MAP3K9: variants seen among roughly 807,000 people sequenced by gnomAD.
MAP3K9 encodes the protein mixed lineage kinase 1 (tyr and ser/thr specificity).
A neutral mutation model predicts 95.8 loss-of-function variants in MAP3K9; 46 were observed. That is an observed-to-expected ratio of 0.48 (90% confidence interval 0.38 to 0.61). MAP3K9 has a LOEUF of 0.61. MAP3K9 is among the 20% of genes least tolerant of loss of function. MAP3K9 has a pLI of 0.00. For missense variants in MAP3K9, 1,296 were observed against 1,474.3 expected (o/e 0.88, Z 1.98); for synonymous variants, 533 against 593.8 (o/e 0.90, Z 1.49).
intron 2 of MAP3K9, among the ~76,000 whole-genome samples, chr14:70,764,786 T>C (rs10873241): frequency 0.89 from 135,704 of 152,142 alleles, 60,590 homozygotes; most frequent in Middle Eastern, 0.94. Flanking sequence ...GAGCTGTGAT[T>C]GTACCACTGT....
Position 70,749,996 on chromosome 14 carries a change from T to C in MAP3K9, c.1087A>G (p.Met363Val), listed in dbSNP as rs141503439. The C allele has an allele frequency of 4.3e-4, 686 of 1,614,084 alleles. 4 individuals are homozygous for C. Among genetic ancestry groups the C allele is most frequent in the Non-Finnish European group, 8.1e-5 (96 of 1,180,036 alleles). The change falls in exon 4 of 12, where the codon ATG (methionine) becomes GTG (valine). Residue 363 changes from methionine to valine, a missense_variant. Transcript: ENST00000554752. ...DGLAVAYGVA[M>V]NKLALPIPST... is the part of the protein sequence containing the mutation. ...GGAATAGGAAGGGCGAGTTTGTTCA[T>C]GGCCACTCCATAAGCGACTGCTAAG...
intron 2 of MAP3K9, chr14:70,783,140 T>A: frequency 2.9e-6 from 1 of 348,074 alleles, no homozygotes; most frequent in Non-Finnish European, 4.0e-6. Flanking sequence ...AAATCAAGCA[T>A]CAAAATGCTT....
At position 70,749,044 on chromosome 14, in the gene MAP3K9, C is replaced by T. The variant is rs772209835; in HGVS notation, c.1151-40G>A. 8.2e-6 allele frequency: 13 copies of T among 1,579,892 alleles called. No individual in the cohort carries two copies. In the Admixed American group the frequency reaches 2.3e-4, roughly 28 times the overall value. On this transcript the variant is annotated intron_variant, in intron 4 of 11. Transcript: ENST00000554752. ...TGAATACTCAGAAAGCATGAATGGA[C>T]AGAAGCAAACATGTAAGACTTAGGC...
rs1178826117 is a variant in MAP3K9, at chr14:70,730,222, A to C, written c.*158T>G. On this transcript the variant is annotated 3_prime_UTR_variant, in exon 12 of 12. Coordinates refer to ENST00000554752, the MANE Select transcript of MAP3K9 (RefSeq NM_001284230.2). Reference sequence around the variant, plus strand: ...GCCCTGCAGGGCAGGAGACCCTCTGAAGTGGCCCTGTTTCCATCCCTTCCA... The same window carrying C: ...GCCCTGCAGGGCAGGAGACCCTCTGCAGTGGCCCTGTTTCCATCCCTTCCA... 2 of 1,084,152 alleles carry C rather than the reference A, an allele frequency of 1.8e-6. No homozygotes were observed. The highest frequency in any genetic ancestry group is 2.6e-6 in the Non-Finnish European group (2 of 772,536). 67.2% of individuals were successfully genotyped at this position (1,084,152 alleles called of 1,614,324 possible). A position where few individuals can be genotyped will look rare whatever the true frequency, so the allele number is the denominator to read the frequency against.
chr14:70,800,741 A>G lies in MAP3K9; in HGVS notation c.746T>C (p.Ile249Thr), dbSNP rs1259641477. The G allele has an allele frequency of 1.1e-5, 17 of 1,613,968 alleles. No homozygotes were observed. The highest frequency in any genetic ancestry group is 1.4e-5 in the Non-Finnish European group (17 of 1,180,016). ...PDILVNWAVQ[I>T]ARGMNYLHDE... The stretch of plus-strand genomic sequence containing the variant: ...ATGTAAGTAGTTCATCCCTCTGGCA[A>G]TCTGCACAGCCCAATTCACCAGGAT... Residue 249 changes from isoleucine to threonine, a missense_variant, in exon 2 of 12, where the codon ATT becomes ACT. Ile to Thr is a moderately conservative substitution (Grantham distance 89). Around this residue, in one of 5 missense-constraint regions of MAP3K9, gnomAD observed 338 missense variants for 363.4 expected, o/e 0.93. Transcript: ENST00000554752.
chr14:70,775,051 A>T (rs926090112), intron 2 of MAP3K9, among the ~76,000 whole-genome samples: 1 of 151,148 alleles, frequency 6.6e-6, no homozygotes, highest in African/African-American at 2.4e-5. Flanking sequence ...TAACTATATT[A>T]TAATAAAACA....
Position 70,730,638 on chromosome 14 carries a change from G to A in MAP3K9, c.3057C>T (p.Ser1019=). The A allele has an allele frequency of 1.9e-6, 3 of 1,613,920 alleles. No individual in the cohort carries two copies. Among genetic ancestry groups the A allele is most frequent in the Non-Finnish European group, 2.5e-6 (3 of 1,180,048 alleles). Reference sequence around the variant, plus strand: ...TCTCTGTGCTGGAGCTGTTGGCTGGGGAGGTGCTGCGGGCATGGCTGGGGG... The same window carrying A: ...TCTCTGTGCTGGAGCTGTTGGCTGGAGAGGTGCTGCGGGCATGGCTGGGGG... The part of the protein sequence containing the change: ...FVSPSHARST[S]PANSSSTETP... Residue 1019 remains serine (S), a synonymous_variant, in exon 12 of 12, where the codon TCC becomes TCT. Coordinates refer to ENST00000554752, the MANE Select transcript of MAP3K9 (RefSeq NM_001284230.2).
intron 2 of MAP3K9, among the ~76,000 whole-genome samples, chr14:70,773,865 T>C (rs1276793864): frequency 6.6e-6 from 1 of 152,242 alleles, no homozygotes; most frequent in Non-Finnish European, 1.5e-5. Context: ...GAGACACTTA[T>C]TTCAGCTAGT....
Position 70,800,979 on chromosome 14 carries a change from C to T in MAP3K9, c.508G>A (p.Val170Met). The T allele has an allele frequency of 6.2e-7, 1 of 1,614,208 alleles. No individual in the cohort carries two copies. Among genetic ancestry groups the T allele is most frequent in the Non-Finnish European group, 8.5e-7 (1 of 1,180,046 alleles). Residue 170 changes from valine (V) to methionine (M), a missense_variant, in exon 2 of 12, where the codon GTG becomes ATG. Around this residue, in one of 5 missense-constraint regions of MAP3K9, gnomAD observed 338 missense variants for 363.4 expected, o/e 0.93. Transcript: ENST00000554752. ...RAFWIGDEVA[V>M]KAARHDPDED... is the part of the protein sequence containing the mutation. Reference sequence around the variant, plus strand: ...TCAGGGTCGTGGCGAGCTGCTTTCACAGCAACCTCATCCCCTATCCAGAAA... The same window carrying T: ...TCAGGGTCGTGGCGAGCTGCTTTCATAGCAACCTCATCCCCTATCCAGAAA...
rs113606297 is a variant in MAP3K9 at position 70,732,092 on chromosome 14, T to C, written c.2830+447A>G. Among the ~76,000 whole-genome samples, 621 of 152,284 alleles carry C rather than the reference T, an allele frequency of 4.1e-3. 2 individuals carry two copies. Among genetic ancestry groups the C allele is most frequent in the Middle Eastern group, 6.8e-3 (2 of 294 alleles). The stretch of plus-strand genomic sequence containing the variant: ...GCCTGCCTTCTGAGTGTGTGTGAAC[T>C]AATGCTATAATGAGAGGCAAAATCC... On this transcript the variant is annotated intron_variant, in intron 11 of 11. Transcript: ENST00000554752.
chr14:70,735,998 A>G lies in MAP3K9; in HGVS notation c.1876T>C (p.Leu626=). 1 of 1,613,676 alleles carries G rather than the reference A, an allele frequency of 6.2e-7. No homozygotes were observed. Among genetic ancestry groups the G allele is most frequent in the Non-Finnish European group, 8.5e-7 (1 of 1,179,660 alleles). The change falls in exon 9 of 12, where the codon TTA becomes CTA. Residue 626 remains leucine, a synonymous_variant. Transcript: ENST00000554752. ...TGTGGAGATTCTGATGGGGTACTTA[A>G]ACCATTAGCTTTCTCACGTCTCTGA... ...SPQRREKANG[L]STPSESPHFH... is the part of the protein sequence containing the mutation.
chr14:70,809,389 G>T lies in MAP3K9; in HGVS notation c.-218C>A. 1 of 492,980 alleles carries T rather than the reference G, an allele frequency of 2.0e-6. No homozygotes were observed. The highest frequency in any genetic ancestry group is 3.1e-6 in the Non-Finnish European group (1 of 318,920). 30.5% of individuals were successfully genotyped at this position (492,980 alleles called of 1,614,324 possible). ...CGAGCTCTTCGCGCAGCCTAGGGGC[G>T]CAGCGGGCCGAGTCCCCGCCTGCCC... On this transcript the variant is annotated 5_prime_UTR_variant, in exon 1 of 12. Transcript: ENST00000554752.
At chr14:70,743,600 A>G (rs997718399) in intron 5 of MAP3K9, among the ~76,000 whole-genome samples, 3 of 152,200 alleles carry the variant, frequency 2.0e-5, no homozygotes, top group Admixed American at 6.5e-5. Context: ...CAAACATATG[A>G]AAGAAAGCTC....
intron 1 of MAP3K9, among the ~76,000 whole-genome samples, chr14:70,804,397 A>G (rs2054966581): frequency 6.6e-6 from 1 of 152,230 alleles, no homozygotes; most frequent in African/African-American, 2.4e-5. Context: ...CTATGTTATA[A>G]AGAAAGATTA....
At chr14:70,731,631 T>A (rs1333992727) in intron 11 of MAP3K9, among the ~76,000 whole-genome samples, 1 of 152,164 alleles carries the variant, frequency 6.6e-6, no homozygotes, top group Non-Finnish European at 1.5e-5. Context: ...GGCATGTCTG[T>A]TCATTTACTG....
rs539399043 is a variant in MAP3K9, at chr14:70,790,400, AC to A, written c.820+10266del. Among the ~76,000 whole-genome samples the A allele has an allele frequency of 1.2e-3, 176 of 152,300 alleles. 1 individual carries two copies. Among genetic ancestry groups the A allele is most frequent in the African/African-American group, 3.8e-3 (159 of 41,574 alleles). On this transcript the variant is annotated intron_variant, in intron 2 of 11. Transcript: ENST00000554752. ...TTAAGTCCTGGGCAGGACCTCAGAG[AC>A]CACCTGTCCAAACCCCTCATTTTGC...
At chr14:70,737,165 A>C (rs955840982) in intron 8 of MAP3K9, among the ~76,000 whole-genome samples, 3 of 152,182 alleles carry the variant, frequency 2.0e-5, no homozygotes, top group Non-Finnish European at 4.4e-5. Flanking sequence ...ATGAAGTATA[A>C]ACGGTTCCGT....
At chr14:70,733,504 A>C (rs1309555925) in intron 10 of MAP3K9, 162 bp from the exon 11 acceptor site, 1 of 604,494 alleles carries the variant, frequency 1.7e-6, no homozygotes, top group Non-Finnish European at 3.0e-6. Flanking sequence ...CACTGAACCA[A>C]GGGGGCTTTA....
chr14:70,774,438 G>C (rs2054569519), intron 2 of MAP3K9, among the ~76,000 whole-genome samples: 1 of 152,160 alleles, frequency 6.6e-6, no homozygotes, highest in African/African-American at 2.4e-5. Context: ...GGTCGAGGCG[G>C]GTGGATCACC....
Sources: gnomAD v4.1 joint callset for allele counts (sites outside exome capture counted in the v4.1 genomes callset) on GRCh38, gnomAD v4.1.1 for gene constraint, gnomAD v4.1.1 regional missense constraint, MANE v1.5 for transcripts, NCBI Gene and HGNC (gene_info 2026-07-23, HGNC 2026-07-21) for gene names.